The following TBC1D22B variants were observed in gnomAD, a reference collection of about 807,000 sequenced individuals.
The protein encoded by TBC1D22B is chromosome 6 open reading frame 197.
Under a neutral mutation model 69.1 loss-of-function variants are expected in TBC1D22B, and 32 were observed. The observed-to-expected ratio is 0.46, with a 90% CI of 0.35 to 0.62. TBC1D22B has a LOEUF of 0.62. TBC1D22B is among the 20% of genes least tolerant of loss of function. The pLI is 0.00. For synonymous variants in TBC1D22B, 206 were observed against 229.8 expected, an observed-to-expected ratio of 0.90 and a Z score of 0.94; for missense variants, 462 against 630.9, an observed-to-expected ratio of 0.73 and a Z score of 2.87.
At chr6:37,293,396 T>G (rs898462934) in intron 8 of TBC1D22B, among the ~76,000 whole-genome samples, 1 of 152,156 alleles carries the variant, frequency 6.6e-6, no homozygotes, top group African/African-American at 2.4e-5. Flanking sequence ...ATTATTATTA[T>G]ATCTGTCATG....
rs1767645592 is a variant in TBC1D22B at position 37,304,248 on chromosome 6, T to C, written c.983-8670T>C. On this transcript the variant is annotated intron_variant, in intron 8 of 12. Transcript: ENST00000373491. ...CAGGGCACTGCTCTAGGCACTGGGGTTTATGACCATAAACGAAGTAGACAA... is the reference window on the plus strand; with the variant it reads ...CAGGGCACTGCTCTAGGCACTGGGGCTTATGACCATAAACGAAGTAGACAA... Among the ~76,000 whole-genome samples the C allele has an allele frequency of 2.0e-5, 3 of 152,148 alleles. No homozygotes were observed. The South Asian group carries it at 6.2e-4, about 32-fold the overall frequency.
chr6:37,297,651 C>T (rs1767424567), intron 8 of TBC1D22B, among the ~76,000 whole-genome samples: 1 of 152,008 alleles, frequency 6.6e-6, no homozygotes, highest in African/African-American at 2.4e-5. Flanking sequence ...GCAGGCAGTG[C>T]CTTTCTTATT....
chr6:37,310,663 T>C (rs2113778071), intron 8 of TBC1D22B, among the ~76,000 whole-genome samples: 1 of 152,294 alleles, frequency 6.6e-6, no homozygotes, highest in Admixed American at 6.5e-5. Flanking sequence ...AGCAAAACTC[T>C]GTCTCAAAAT....
intron 8 of TBC1D22B, among the ~76,000 whole-genome samples, chr6:37,308,596 G>T (rs982334543): frequency 3.9e-5 from 6 of 152,168 alleles, no homozygotes; most frequent in Non-Finnish European, 8.8e-5. Context: ...CTTGTCTGTT[G>T]TTCCCTTTGC....
intron 2 of TBC1D22B, among the ~76,000 whole-genome samples, chr6:37,272,093 A>C (rs1162165486): frequency 1.3e-5 from 2 of 151,964 alleles, no homozygotes; most frequent in African/African-American, 4.8e-5. Flanking sequence ...CTTTTGAGAT[A>C]GGGTCGCTCT....
chr6:37,288,880 T>A (rs951881713), intron 7 of TBC1D22B, among the ~76,000 whole-genome samples: 3 of 152,202 alleles, frequency 2.0e-5, no homozygotes, highest in Admixed American at 1.3e-4. Flanking sequence ...AGTCATCTTT[T>A]AAATTTTTTT....
rs144693203 is a variant in TBC1D22B at position 37,259,213 on chromosome 6, C to A, written c.56+1240C>A. On this transcript the variant is annotated intron_variant, in intron 1 of 12. Transcript: ENST00000373491. ...GACATATGGAGAATAGGGTGGAAAT[C>A]AGCTTTTAGTAATACTTATTAAAGT... Among the ~76,000 whole-genome samples, 188 of 152,110 alleles carry A rather than the reference C, an allele frequency of 1.2e-3. 1 individual carries two copies. Among genetic ancestry groups the A allele is most frequent in the African/African-American group, 4.5e-3 (186 of 41,502 alleles).
chr6:37,266,395 T>G (rs1479408099), intron 1 of TBC1D22B, among the ~76,000 whole-genome samples: 3 of 152,218 alleles, frequency 2.0e-5, no homozygotes, highest in Non-Finnish European at 4.4e-5. Flanking sequence ...GTGTCATACA[T>G]GTAGTTCTGC....
chr6:37,269,019 C>T (rs903046034), intron 1 of TBC1D22B, among the ~76,000 whole-genome samples: 21 of 152,040 alleles, frequency 1.4e-4, no homozygotes, highest in African/African-American at 5.1e-4. Context: ...TATATATCTC[C>T]TAATACATAT....
chr6:37,331,011 G>A (rs1768567158), intron 12 of TBC1D22B, 33 bp from the exon 13 acceptor site: 1 of 1,612,546 alleles, frequency 6.2e-7, no homozygotes. Flanking sequence ...TCTACGGTCT[G>A]GTATGATATA....
At chr6:37,330,497 A>G (rs1269589156) in intron 12 of TBC1D22B, among the ~76,000 whole-genome samples, 1 of 152,080 alleles carries the variant, frequency 6.6e-6, no homozygotes, top group Non-Finnish European at 1.5e-5. Flanking sequence ...TCAGCCTCCC[A>G]AAGTGTGGGA....
In TBC1D22B at chr6:37,257,906, C is replaced by T; in HGVS notation, c.-12C>T. 1 of 1,613,206 alleles carries T rather than the reference C, an allele frequency of 6.2e-7. No individual in the cohort carries two copies. ...CTTGGCCCGCCTACAAGGACTTCCC[C>T]CGGCCAGAGCAATGGCCGCTGAGAA... On this transcript the variant is annotated 5_prime_UTR_variant, in exon 1 of 13. Transcript: ENST00000373491.
chr6:37,327,367 G>A lies in TBC1D22B; in HGVS notation c.1390-3677G>A, dbSNP rs374314728. Among the ~76,000 whole-genome samples the A allele has an allele frequency of 1.1e-3, 149 of 130,408 alleles. 9 individuals carry two copies. Among genetic ancestry groups the A allele is most frequent in the East Asian group, 2.7e-3 (13 of 4,808 alleles). 85.6% of individuals were successfully genotyped at this position (130,408 alleles called of 152,430 possible). On this transcript the variant is annotated intron_variant, in intron 12 of 12. Coordinates refer to ENST00000373491, the MANE Select transcript of TBC1D22B (RefSeq NM_017772.4). ...GTGGTGGGCGCCTGTAGTCCCAGCT[G>A]CTCGGGAGGCTGAGGCAGGAGAATG...
At chr6:37,300,796 C>T in intron 8 of TBC1D22B, among the ~76,000 whole-genome samples, 1 of 151,940 alleles carries the variant, frequency 6.6e-6, no homozygotes, top group Non-Finnish European at 1.5e-5. Context: ...TATTTTTTAT[C>T]TTTTTCTCAT....
intron 2 of TBC1D22B, among the ~76,000 whole-genome samples, chr6:37,275,066 A>AATT (rs1274745475): frequency 6.7e-6 from 1 of 149,076 alleles, no homozygotes. Flanking sequence ...TAATAATAAT[A>AATT]AATAATCTTG....
chr6:37,300,359 T>TTTTA (rs951506416), intron 8 of TBC1D22B, among the ~76,000 whole-genome samples: 1 of 151,398 alleles, frequency 6.6e-6, no homozygotes, highest in Non-Finnish European at 1.5e-5. Flanking sequence ...TTATTATATA[T>TTTTA]TTTATTTATT....
intron 12 of TBC1D22B, among the ~76,000 whole-genome samples, chr6:37,322,897 C>G (rs990052853): frequency 1.4e-4 from 21 of 152,208 alleles, no homozygotes; most frequent in African/African-American, 4.8e-4. Flanking sequence ...CGAGCATGAG[C>G]TGTGCCCAGT....
At position 37,327,469 on chromosome 6, in the gene TBC1D22B, C is replaced by T. The variant is rs1486822481; in HGVS notation, c.1390-3575C>T. ...CTCCAGCCTGGGCGACAGAGCCAGA[C>T]TCCGACTCAAAAAAAAAAAAAAAAA... is the stretch of plus-strand genomic sequence containing the variant. On this transcript the variant is annotated intron_variant, in intron 12 of 12. Transcript: ENST00000373491. Among the ~76,000 whole-genome samples, 3 of 44,316 alleles carry T rather than the reference C, an allele frequency of 6.8e-5. 1 individual carries two copies. Among genetic ancestry groups the T allele is most frequent in the Non-Finnish European group, 1.0e-4 (3 of 29,678 alleles). The allele number at this position is 44,316 out of a possible 152,430, so 29.1% of individuals were successfully genotyped here. A position where few individuals can be genotyped will look rare whatever the true frequency, so the allele number is the denominator to read the frequency against.
chr6:37,266,742 C>T (rs1227704947), intron 1 of TBC1D22B, among the ~76,000 whole-genome samples: 1 of 151,164 alleles, frequency 6.6e-6, no homozygotes, highest in African/African-American at 2.4e-5. Flanking sequence ...GGATTACAGG[C>T]GTGAGCCACC....
Sources: allele counts gnomAD v4.1 joint callset (sites outside exome capture counted in the v4.1 genomes callset), GRCh38; gene constraint gnomAD v4.1.1; transcripts MANE v1.5; gene names NCBI Gene and HGNC (gene_info 2026-07-23, HGNC 2026-07-21).